ATP11B: variants seen among roughly 807,000 people sequenced by gnomAD.
The protein encoded by ATP11B is phospholipid-transporting ATPase IF.
A neutral mutation model predicts 157.8 loss-of-function variants in ATP11B; 81 were observed. The observed-to-expected ratio is 0.51, with a 90% CI of 0.43 to 0.62. The LOEUF is 0.62. ATP11B is among the 20% of genes least tolerant of loss of function. The pLI is 0.00. For synonymous variants in ATP11B, 451 were observed against 469.4 expected (o/e 0.96, Z 0.51); for missense variants, 1,165 against 1,402.2 (o/e 0.83, Z 2.70).
intron 10 of ATP11B, among the ~76,000 whole-genome samples, chr3:182,851,277 C>T (rs1462257350): frequency 2.0e-5 from 3 of 152,042 alleles, no homozygotes; most frequent in East Asian, 1.9e-4. Flanking sequence ...GGTGACAGAG[C>T]GAGACTCCAT....
chr3:182,814,701 C>T (rs1016147378), intron 1 of ATP11B, among the ~76,000 whole-genome samples: 6 of 152,034 alleles, frequency 3.9e-5, no homozygotes, highest in African/African-American at 1.4e-4. Context: ...CCCAGCTACT[C>T]AGAGGCTGAA....
intron 7 of ATP11B, 129 bp downstream of exon 7, chr3:182,837,303 T>A: frequency 1.6e-6 from 1 of 609,762 alleles, no homozygotes; most frequent in South Asian, 3.0e-5. Context: ...TGGTGGGAGA[T>A]GCAATTAATG....
At chr3:182,843,676 G>A (rs1047476087) in intron 8 of ATP11B, 2 of 152,190 alleles carry the variant, frequency 1.3e-5, no homozygotes, top group African/African-American at 2.4e-5. Context: ...TTACTCATGA[G>A]CGTTAACCTT....
At chr3:182,828,410 A>G (rs1443385821) in intron 3 of ATP11B, among the ~76,000 whole-genome samples, 1 of 152,038 alleles carries the variant, frequency 6.6e-6, no homozygotes, top group African/African-American at 2.4e-5. Flanking sequence ...TTTAAGATCA[A>G]TTGTATATTG....
intron 1 of ATP11B, among the ~76,000 whole-genome samples, chr3:182,818,855 A>G (rs1258840011): frequency 2.6e-5 from 4 of 151,658 alleles, no homozygotes; most frequent in Non-Finnish European, 5.9e-5. Flanking sequence ...TGAATACCCA[A>G]GTTTTATTGA....
At chr3:182,821,231 C>G (rs1717323826) in intron 2 of ATP11B, among the ~76,000 whole-genome samples, 1 of 152,120 alleles carries the variant, frequency 6.6e-6, no homozygotes, top group Non-Finnish European at 1.5e-5. Context: ...GCCTCAGCCT[C>G]CCAAGTAGCT....
intron 17 of ATP11B, among the ~76,000 whole-genome samples, chr3:182,871,667 C>CAGCT (rs759029425): frequency 3.3e-5 from 5 of 152,148 alleles, no homozygotes; most frequent in Non-Finnish European, 7.3e-5. Context: ...GTAGAACCTG[C>CAGCT]AGCTGTCTCT....
chr3:182,894,561 C>G (rs1723398040), intron 25 of ATP11B, among the ~76,000 whole-genome samples: 1 of 152,154 alleles, frequency 6.6e-6, no homozygotes, highest in South Asian at 2.1e-4. Context: ...AAGGGCAAGT[C>G]AGAATGGAAA....
chr3:182,794,524 C>G (rs1173877083), intron 1 of ATP11B, among the ~76,000 whole-genome samples: 1 of 152,188 alleles, frequency 6.6e-6, no homozygotes, highest in Admixed American at 6.5e-5. Flanking sequence ...TCCCGTTCTC[C>G]TCAAGGCAGT....
intron 1 of ATP11B, among the ~76,000 whole-genome samples, chr3:182,805,136 C>T (rs1716248949): frequency 6.6e-6 from 1 of 152,144 alleles, no homozygotes; most frequent in African/African-American, 2.4e-5. Flanking sequence ...TGGGCTTATA[C>T]CTAAAGAGTA....
chr3:182,881,899 A>G (rs1722453191), intron 21 of ATP11B, among the ~76,000 whole-genome samples: 1 of 152,214 alleles, frequency 6.6e-6, no homozygotes, highest in Non-Finnish European at 1.5e-5. Context: ...TAAACACAAC[A>G]TCTCAAGTAG....
intron 28 of ATP11B, among the ~76,000 whole-genome samples, chr3:182,910,071 CAGAAAAAAA>C (rs1724667939): frequency 1.4e-5 from 1 of 72,302 alleles, no homozygotes; most frequent in African/African-American, 6.1e-5. Flanking sequence ...ACTCGGCCTC[CAGAAAAAAA>C]AAAAAAAAAA....
rs1272667727 is a variant in ATP11B at position 182,865,579 on chromosome 3, A to G, written c.1324A>G (p.Thr442Ala). Residue 442 changes from threonine (T) to alanine (A), a missense_variant, in exon 13 of 30, where the codon ACA becomes GCA. Around this residue, in one of 4 missense-constraint regions of ATP11B, gnomAD observed 737 missense variants for 930.5 expected, o/e 0.79. Coordinates refer to ENST00000323116, the MANE Select transcript of ATP11B (RefSeq NM_014616.3). ...INGRLVPEGP[T>A]PDSSEGNLSY... Reference sequence around the variant, plus strand: ...TGGTAGACTTGTACCCGAAGGACCAACACCAGACTCTTCAGAAGGAAACTT... The same window carrying G: ...TGGTAGACTTGTACCCGAAGGACCAGCACCAGACTCTTCAGAAGGAAACTT... The G allele has an allele frequency of 6.2e-7, 1 of 1,613,918 alleles. No individual in the cohort carries two copies. The highest frequency in any genetic ancestry group is 1.1e-5 in the South Asian group (1 of 91,080).
chr3:182,871,301 A>G (rs1328710893), intron 17 of ATP11B, among the ~76,000 whole-genome samples: 1 of 152,232 alleles, frequency 6.6e-6, no homozygotes, highest in East Asian at 1.9e-4. Context: ...CTGTCTCTAA[A>G]AATAAAAAAG....
At chr3:182,860,341 G>A (rs1720740406) in intron 12 of ATP11B, among the ~76,000 whole-genome samples, 1 of 152,146 alleles carries the variant, frequency 6.6e-6, no homozygotes, top group African/African-American at 2.4e-5. Context: ...AGCCTCCAGT[G>A]TTGCTGTTAG....
intron 25 of ATP11B, among the ~76,000 whole-genome samples, chr3:182,890,048 C>G (rs1196161839): frequency 6.6e-6 from 1 of 152,190 alleles, no homozygotes; most frequent in Admixed American, 6.5e-5. Context: ...TCATTGCACA[C>G]TCACAATTCT....
chr3:182,848,276 C>T (rs1249589347), intron 9 of ATP11B, among the ~76,000 whole-genome samples, 200 bp from the exon 10 acceptor site: 1 of 152,184 alleles, frequency 6.6e-6, no homozygotes, highest in Non-Finnish European at 1.5e-5. Context: ...TGCCCTCCCC[C>T]ATTTAGCCAG....
intron 1 of ATP11B, among the ~76,000 whole-genome samples, chr3:182,804,576 C>T (rs146942927): frequency 2.6e-5 from 4 of 152,242 alleles, no homozygotes; most frequent in East Asian, 1.9e-4. Context: ...TCATCTTCTG[C>T]GTTACAGTTG....
rs180954975 is a variant in ATP11B, at chr3:182,820,400, T to G, written c.144+24T>G. On this transcript the variant is annotated intron_variant, in intron 2 of 29. Transcript: ENST00000323116. ...AGGTAAGAATTAAAATTTTTATTGT[T>G]AGGCCAGGTGCAGTGGCTCATACCC... 7,720 of 1,500,908 alleles carry G rather than the reference T, an allele frequency of 5.1e-3. 48 individuals are homozygous for G. Among genetic ancestry groups the G allele is most frequent in the South Asian group, 0.014 (1,254 of 88,726 alleles). The allele number at this position is 1,500,908 out of a possible 1,614,324, so 93.0% of individuals were successfully genotyped here. A position where few individuals can be genotyped will look rare whatever the true frequency, so the allele number is the denominator to read the frequency against.
Sources: gnomAD v4.1 joint callset for allele counts (sites outside exome capture counted in the v4.1 genomes callset) on GRCh38, gnomAD v4.1.1 for gene constraint, gnomAD v4.1.1 regional missense constraint, MANE v1.5 for transcripts, NCBI Gene and HGNC (gene_info 2026-07-23, HGNC 2026-07-21) for gene names.